FBH1: variants seen among roughly 807,000 people sequenced by gnomAD.
FBH1 encodes DNA 3'-5' helicase 1.
Under a neutral mutation model 115.5 loss-of-function variants are expected in FBH1, and 43 were observed. The observed-to-expected ratio is 0.37, with a 90% CI of 0.29 to 0.48. FBH1 has a LOEUF of 0.48. Ranked by LOEUF, FBH1 falls within the 20% of genes least tolerant of loss-of-function variation. FBH1 has a pLI of 0.99. For synonymous variants in FBH1, 524 were observed against 507.8 expected, an observed-to-expected ratio of 1.03 and a Z score of -0.43; for missense variants, 1,001 against 1,337.3, an observed-to-expected ratio of 0.75 and a Z score of 3.92.
At chr10:5,930,008 G>A (rs971231809) in intron 19 of FBH1, 3 of 152,178 alleles carry the variant, frequency 2.0e-5, no homozygotes, top group Non-Finnish European at 4.4e-5. Context: ...GTATTACAGA[G>A]CAGTGATATC....
At position 5,910,883 on chromosome 10, in the gene FBH1, C is replaced by T. The variant is rs540026847; in HGVS notation, c.1021-55C>T. On this transcript the variant is annotated intron_variant, in intron 5 of 20. Coordinates refer to ENST00000362091, the MANE Select transcript of FBH1 (RefSeq NM_178150.3). This position sits in a 1 kb window ranked among gnomAD's most constrained non-coding sequence, Gnocchi z 4.8. ...TTCCTGACTCCTTCCTGCTGTGATTCGTATTAACCATGGCCTGTGGGCTGT... is the reference window on the plus strand; with the variant it reads ...TTCCTGACTCCTTCCTGCTGTGATTTGTATTAACCATGGCCTGTGGGCTGT... 3.2e-5 allele frequency: 47 copies of T among 1,484,190 alleles called. No homozygotes were observed. The Admixed American group carries it at 4.1e-4, about 13-fold the overall frequency. The allele number at this position is 1,484,190 out of a possible 1,614,324, so 91.9% of individuals were successfully genotyped here.
At chr10:5,892,328 G>A (rs1168117310) in intron 1 of FBH1, among the ~76,000 whole-genome samples, 1 of 152,150 alleles carries the variant, frequency 6.6e-6, no homozygotes, top group African/African-American at 2.4e-5. Context: ...CTGATCATTT[G>A]ACAGGTTTCG....
chr10:5,899,430 A>G (rs1843205952), intron 1 of FBH1, among the ~76,000 whole-genome samples: 1 of 152,122 alleles, frequency 6.6e-6, no homozygotes, highest in South Asian at 2.1e-4. Flanking sequence ...CACTCTTGGT[A>G]ACTTTCTTTA....
chr10:5,911,047 T>C lies in FBH1; in HGVS notation c.1130T>C (p.Met377Thr), dbSNP rs1215537017. Reference protein sequence around the residue: ...CLRRPSSTVTMPDVTETLYCI... With the variant: ...CLRRPSSTVTTPDVTETLYCI... ...CGGAGACCCAGCTCCACGGTGACCA[T>C]GCCAGATGTCACCGAGACCCTGTAC... Residue 377 changes from methionine to threonine, a missense_variant, in exon 6 of 21, where the codon ATG (methionine) becomes ACG (threonine). Coordinates refer to ENST00000362091, the MANE Select transcript of FBH1 (RefSeq NM_178150.3). This position sits in a 1 kb window ranked among gnomAD's most constrained non-coding sequence, Gnocchi z 5.4. 6 of 1,613,216 alleles carry C rather than the reference T, an allele frequency of 3.7e-6. No individual in the cohort carries two copies. The highest frequency in any genetic ancestry group is 2.7e-5 in the African/African-American group (2 of 74,908).
chr10:5,907,056 A>G (rs1843739190), intron 3 of FBH1, among the ~76,000 whole-genome samples: 1 of 151,304 alleles, frequency 6.6e-6, no homozygotes, highest in Admixed American at 6.6e-5. Context: ...TCTGCCTCCC[A>G]GGTTCAAGTG....
At chr10:5,891,234 A>T in intron 1 of FBH1, 1 of 954,920 alleles carries the variant, frequency 1.0e-6, no homozygotes, top group South Asian at 4.8e-5. Flanking sequence ...GCCCATGAAG[A>T]TAAGTCCGTT....
Position 5,906,095 on chromosome 10 carries a change from C to G in FBH1, c.216C>G (p.Thr72=). The part of the protein sequence containing the change: ...EFFLAGKQPC[T]NDMAKSNSVG... ...TCCTAGCAGGCAAGCAGCCGTGCAC[C>G]AATGACATGGCCAAAAGCAATTCTG... Residue 72 remains threonine, a synonymous_variant, in exon 3 of 21, where the codon ACC becomes ACG. Coordinates refer to ENST00000362091, the MANE Select transcript of FBH1 (RefSeq NM_178150.3). This position sits in a 1 kb window ranked among gnomAD's most constrained non-coding sequence, Gnocchi z 7.3. 6.2e-7 allele frequency: 1 copy of G among 1,614,076 alleles called. No individual in the cohort carries two copies. The highest frequency in any genetic ancestry group is 1.1e-5 in the South Asian group (1 of 91,072).
chr10:5,936,595 T>C lies in FBH1; in HGVS notation c.2961+8T>C. On this transcript the variant is annotated splice_region_variant and intron_variant, in intron 20 of 20. Coordinates refer to ENST00000362091, the MANE Select transcript of FBH1 (RefSeq NM_178150.3). The surrounding 1 kb of genome is among the most constrained non-coding windows in gnomAD (Gnocchi z 5.6). The stretch of plus-strand genomic sequence containing the variant: ...AAGCTGCCCATCACCTATGTACGTC[T>C]GCTGTCTGTGGAACTTAATTCAGCC... 6.2e-7 allele frequency: 1 copy of C among 1,613,228 alleles called. No homozygotes were observed. Among genetic ancestry groups the C allele is most frequent in the Non-Finnish European group, 8.5e-7 (1 of 1,179,218 alleles).
At position 5,906,713 on chromosome 10, in the gene FBH1, T is replaced by C. The variant is rs190435249; in HGVS notation, c.753+81T>C. ...AATGCACGCTTATAATCAGAGGATC[T>C]TTTCAGAAATGGTTTCCATTTGCCT... On this transcript the variant is annotated intron_variant, in intron 3 of 20. Transcript: ENST00000362091. This position sits in a 1 kb window ranked among gnomAD's most constrained non-coding sequence, Gnocchi z 7.3. 3.8e-5 allele frequency: 46 copies of C among 1,207,430 alleles called. No homozygotes were observed. The African/African-American group carries it at 5.9e-4, about 16-fold the overall frequency. 74.8% of individuals were successfully genotyped at this position (1,207,430 alleles called of 1,614,324 possible).
Position 5,925,527 on chromosome 10 carries a change from T to C in FBH1, c.2722+35T>C, listed in dbSNP as rs200008210. The C allele has an allele frequency of 7.0e-5, 112 of 1,611,472 alleles. No homozygotes were observed. In the East Asian group the frequency reaches 2.3e-3, roughly 33 times the overall value. The stretch of plus-strand genomic sequence containing the variant: ...CGCCGGGTAGTGTCAGGTGCTGCTG[T>C]ATGTAGTGAGTGGTGACTGGAATGC... On this transcript the variant is annotated intron_variant, in intron 18 of 20. Coordinates refer to ENST00000362091, the MANE Select transcript of FBH1 (RefSeq NM_178150.3). The surrounding 1 kb of genome is among the most constrained non-coding windows in gnomAD (Gnocchi z 4.6).
chr10:5,918,448 G>T lies in FBH1; in HGVS notation c.2070G>T (p.Val690=). 6.2e-7 allele frequency: 1 copy of T among 1,604,688 alleles called. No homozygotes were observed. Among genetic ancestry groups the T allele is most frequent in the Non-Finnish European group, 8.5e-7 (1 of 1,177,338 alleles). The stretch of plus-strand genomic sequence containing the variant: ...GTGCGGTCAACGCCCTGTTCACAGT[G>T]CCCCACACCCACGTCTTCTATCTCA... The part of the protein sequence containing the change: ...FRGAVNALFT[V]PHTHVFYLTQ... Residue 690 remains valine (V), a synonymous_variant, in exon 13 of 21, where the codon GTG becomes GTT. Coordinates refer to ENST00000362091, the MANE Select transcript of FBH1 (RefSeq NM_178150.3). The surrounding 1 kb of genome is among the most constrained non-coding windows in gnomAD (Gnocchi z 4.0).
intron 1 of FBH1, among the ~76,000 whole-genome samples, chr10:5,898,788 A>T (rs1329385487): frequency 6.6e-6 from 1 of 152,202 alleles, no homozygotes; most frequent in African/African-American, 2.4e-5. Context: ...AACGTTGAGT[A>T]CATGGCACAG....
In FBH1 at chr10:5,923,697, G is replaced by A. The variant is rs1438871503; in HGVS notation, c.2398+1G>A. On this transcript the variant is annotated splice_donor_variant, in intron 16 of 20. Coordinates refer to ENST00000362091, the MANE Select transcript of FBH1 (RefSeq NM_178150.3). LOFTEE classifies it high-confidence loss of function. The surrounding 1 kb of genome is among the most constrained non-coding windows in gnomAD (Gnocchi z 5.7). ...CAGCCAGAGGAAGAACGGAGGAAAC[G>A]TGAGTACCCACCTGGCCTTGGTGCA... 3 of 1,613,762 alleles carry A rather than the reference G, an allele frequency of 1.9e-6. No individual in the cohort carries two copies. Among genetic ancestry groups the A allele is most frequent in the Non-Finnish European group, 8.5e-7 (1 of 1,179,680 alleles).
chr10:5,890,698 C>G (rs979164110), intron 1 of FBH1, among the ~76,000 whole-genome samples: 1 of 152,158 alleles, frequency 6.6e-6, no homozygotes, highest in Non-Finnish European at 1.5e-5. Flanking sequence ...CAGGCTTTCC[C>G]GTCTACTCTG....
chr10:5,920,764 C>T (rs7090411), intron 13 of FBH1, among the ~76,000 whole-genome samples: 43,171 of 151,944 alleles, frequency 0.28, 6,699 homozygotes, highest in Middle Eastern at 0.34. Flanking sequence ...GCTGGAGGGG[C>T]GAAGGAAGCA....
At chr10:5,902,623 C>T (rs925024762) in intron 1 of FBH1, among the ~76,000 whole-genome samples, 7 of 152,176 alleles carry the variant, frequency 4.6e-5, no homozygotes, top group African/African-American at 7.2e-5. Context: ...TGCACCACCA[C>T]GCCCAGCTAA....
Position 5,895,138 on chromosome 10 carries a change from A to G in FBH1, c.1+4792A>G, listed in dbSNP as rs1424899280. The stretch of plus-strand genomic sequence containing the variant: ...GGCCCCTGGGCCATCTCCACAGGAG[A>G]TGCCAGAGGACGAGTGCCCACTTGC... On this transcript the variant is annotated intron_variant, in intron 1 of 20. Transcript: ENST00000362091. This position sits in a 1 kb window ranked among gnomAD's most constrained non-coding sequence, Gnocchi z 5.0. 11 of 1,613,970 alleles carry G rather than the reference A, an allele frequency of 6.8e-6. No homozygotes were observed. The highest frequency in any genetic ancestry group is 2.2e-5 in the East Asian group (1 of 44,882).
rs1831440139 is a variant in FBH1, at chr10:5,909,674, T to A, written c.1020+380T>A. Among the ~76,000 whole-genome samples the A allele has an allele frequency of 6.7e-6, 1 of 150,176 alleles. No individual in the cohort carries two copies. The highest frequency in any genetic ancestry group is 1.5e-5 in the Non-Finnish European group (1 of 66,570). On this transcript the variant is annotated intron_variant, in intron 5 of 20. Coordinates refer to ENST00000362091, the MANE Select transcript of FBH1 (RefSeq NM_178150.3). The surrounding 1 kb of genome is among the most constrained non-coding windows in gnomAD (Gnocchi z 4.4). Reference sequence around the variant, plus strand: ...TTGAAAGGGACAGAAAAATTAGGGGTCTTGCTATAGTCACACAATGAGGTA... The same window carrying A: ...TTGAAAGGGACAGAAAAATTAGGGGACTTGCTATAGTCACACAATGAGGTA...
chr10:5,894,141 G>GCT lies in FBH1; in HGVS notation c.1+3798_1+3799dup, dbSNP rs762825792. 1.2e-3 allele frequency: 1,160 copies of GCT among 985,380 alleles called. 2 individuals carry two copies. Among genetic ancestry groups the GCT allele is most frequent in the Non-Finnish European group, 1.3e-3 (1,075 of 829,910 alleles). 61.0% of individuals were successfully genotyped at this position (985,380 alleles called of 1,614,324 possible). On this transcript the variant is annotated intron_variant, in intron 1 of 20. Transcript: ENST00000362091. ...TGGAGAAGCAGGCTGTGGTAGCCTG[G>GCT]CTCTGCGTCAGTGAATACCTGGGAA...
Sources: allele counts gnomAD v4.1 joint callset (sites outside exome capture counted in the v4.1 genomes callset), GRCh38; gene constraint gnomAD v4.1.1; non-coding constraint Gnocchi (gnomAD v3.1); transcripts MANE v1.5; gene names NCBI Gene and HGNC (gene_info 2026-07-23, HGNC 2026-07-21).